GRHL3: variants seen among roughly 807,000 people sequenced by gnomAD.
GRHL3 encodes grainyhead-like protein 3 homolog.
A neutral mutation model predicts 70.3 loss-of-function variants in GRHL3; 20 were observed. That is an observed-to-expected ratio of 0.28 (90% confidence interval 0.20 to 0.41). GRHL3 has a LOEUF of 0.41. GRHL3 is among the 10% of genes least tolerant of loss of function. GRHL3 has a pLI of 1.00. For synonymous variants in GRHL3, 299 were observed against 299.9 expected, an observed-to-expected ratio of 1.00 and a Z score of 0.03; for missense variants, 637 against 762.3, an observed-to-expected ratio of 0.84 and a Z score of 1.94.
At chr1:24,346,288 C>G (rs958447977) in intron 12 of GRHL3, among the ~76,000 whole-genome samples, 4 of 152,154 alleles carry the variant, frequency 2.6e-5, no homozygotes, top group Non-Finnish European at 5.9e-5. Flanking sequence ...GCTATCATTG[C>G]TTTCTCATCA....
rs72652533 is a variant in GRHL3 at position 24,363,106 on chromosome 1, G to A, written c.1695-1079G>A. On this transcript the variant is annotated intron_variant, in intron 15 of 15. Coordinates refer to the GRHL3 transcript ENST00000350501. ...TGAGGTCACCCCATCACTGGTCTGG[G>A]TCACTCCAAGCCCAAGATTCCCACC... 1.8e-3 allele frequency among the ~76,000 whole-genome samples: 267 copies of A among 152,278 alleles called. 1 individual carries two copies. The highest frequency in any genetic ancestry group is 3.0e-3 in the Non-Finnish European group (202 of 68,022).
chr1:24,325,793 G>GCCTCACTTC (rs1639367241), intron 1 of GRHL3, among the ~76,000 whole-genome samples: 1 of 152,208 alleles, frequency 6.6e-6, no homozygotes, highest in Non-Finnish European at 1.5e-5. Context: ...TGGACGGGAG[G>GCCTCACTTC]CCTCAAGAAG....
At chr1:24,351,305 G>A (rs1640494926) in intron 15 of GRHL3, among the ~76,000 whole-genome samples, 1 of 152,116 alleles carries the variant, frequency 6.6e-6, no homozygotes. Flanking sequence ...CTTCCTCACA[G>A]GCCCAGCCCT....
At position 24,331,509 on chromosome 1, in the gene GRHL3, C is replaced by T. The variant is rs149583743; in HGVS notation, c.101C>T (p.Thr34Met). The T allele has an allele frequency of 5.0e-5, 81 of 1,613,974 alleles. No homozygotes were observed. Among genetic ancestry groups the T allele is most frequent in the East Asian group, 8.9e-5 (4 of 44,894 alleles). ...ACTAGTGAGGATGAGGCCTGGAAGACGTACCTAGAAAACCCGTTGACAGCT... is the reference window on the plus strand; with the variant it reads ...ACTAGTGAGGATGAGGCCTGGAAGATGTACCTAGAAAACCCGTTGACAGCT... The part of the protein sequence containing the change: ...SYTSEDEAWK[T>M]YLENPLTAAT... The change falls in exon 2 of 16, where the codon ACG becomes ATG. Residue 34 changes from threonine (T) to methionine (M), a missense_variant. By Grantham distance (81) the Thr-to-Met change is moderately conservative (BLOSUM62 -1). Around this residue, in one of 2 missense-constraint regions of GRHL3, gnomAD observed 250 missense variants for 248.6 expected, o/e 1.01. Coordinates refer to ENST00000361548, the MANE Select transcript of GRHL3 (RefSeq NM_198173.3).
intron 5 of GRHL3, 86 bp downstream of exon 5, chr1:24,337,237 C>T: frequency 1.1e-6 from 1 of 880,908 alleles, no homozygotes. Context: ...CAGAGCATAG[C>T]AGGCACAATC....
chr1:24,334,509 T>G lies in GRHL3; in HGVS notation c.205-136T>G. ...TGATTATGGGAACTACGATTCAAGA[T>G]GAGATTTGGGTGGGGACACAGCCGA... is the stretch of plus-strand genomic sequence containing the variant. On this transcript the variant is annotated intron_variant, in intron 2 of 15. Coordinates refer to ENST00000361548, the MANE Select transcript of GRHL3 (RefSeq NM_198173.3). This position sits in a 1 kb window ranked among gnomAD's most constrained non-coding sequence, Gnocchi z 4.3. 4 of 639,368 alleles carry G rather than the reference T, an allele frequency of 6.3e-6. No homozygotes were observed. The highest frequency in any genetic ancestry group is 1.1e-5 in the Non-Finnish European group (4 of 351,950). The allele number at this position is 639,368 out of a possible 1,614,324, so 39.6% of individuals were successfully genotyped here. A position where few individuals can be genotyped will look rare whatever the true frequency, so the allele number is the denominator to read the frequency against.
intron 1 of GRHL3, among the ~76,000 whole-genome samples, chr1:24,326,171 G>A (rs1413430109): frequency 1.3e-5 from 2 of 152,178 alleles, no homozygotes; most frequent in Non-Finnish European, 2.9e-5. Context: ...CTCCTTAGTG[G>A]GCTGGCTTTC....
At chr1:24,345,676 C>T (rs192911887) in intron 12 of GRHL3, among the ~76,000 whole-genome samples, 49 of 152,278 alleles carry the variant, frequency 3.2e-4, no homozygotes, top group East Asian at 3.1e-3. Flanking sequence ...TAGCTGGGGC[C>T]GGCACCCCTT....
chr1:24,364,300 C>A lies in GRHL3; in HGVS notation c.1810C>A (p.Gln604Lys), dbSNP rs951911760. 7 of 1,549,782 alleles carry A rather than the reference C, an allele frequency of 4.5e-6. No individual in the cohort carries two copies. In the African/African-American group the frequency reaches 8.2e-5, roughly 18 times the overall value. ...GGGTTTTGGAGATGGATTTTGGAGGCAGAGGGACCTGGATTCAAATCCCAG... is the reference window on the plus strand; with the variant it reads ...GGGTTTTGGAGATGGATTTTGGAGGAAGAGGGACCTGGATTCAAATCCCAG... The change falls in exon 16 of 16, where the codon CAG (glutamine) becomes AAG (lysine). Residue 604 changes from glutamine (Q) to lysine (K), a missense_variant. Gln to Lys is a moderately conservative substitution (Grantham distance 53). Transcript: ENST00000350501.
rs894127874 is a variant in GRHL3 at position 24,321,165 on chromosome 1, C to T, written c.17+1597C>T. Among the ~76,000 whole-genome samples, 1 of 152,184 alleles carries T rather than the reference C, an allele frequency of 6.6e-6. No homozygotes were observed. Among genetic ancestry groups the T allele is most frequent in the Non-Finnish European group, 1.5e-5 (1 of 68,034 alleles). On this transcript the variant is annotated intron_variant, in intron 1 of 15. Coordinates refer to ENST00000361548, the MANE Select transcript of GRHL3 (RefSeq NM_198173.3). This position sits in a 1 kb window ranked among gnomAD's most constrained non-coding sequence, Gnocchi z 4.0. ...CAGACAGAATCTATTCATTACTGCA[C>T]GTTAGGGGGTATGTGTTCTGAAGCT...
chr1:24,344,928 A>G lies in GRHL3; in HGVS notation c.1451A>G (p.Asn484Ser), dbSNP rs116396279. ...AAPSAGPSSS[N>S]RLPLKRTCSP... ...CCCTCGGCAGGACCCAGCAGCTCCA[A>G]CAGGTATGGAGAGAAACAACCACAC... is the stretch of plus-strand genomic sequence containing the variant. The change falls in exon 12 of 16, where the codon AAC becomes AGC. Residue 484 changes from asparagine to serine, a missense_variant. Physicochemically the swap from Asn to Ser is conservative, Grantham distance 46 (BLOSUM62 1). This residue lies in a region of GRHL3 where 387 missense variants were observed against 513.8 expected (regional missense o/e 0.75). Transcript: ENST00000361548. 0.04 allele frequency: 64,036 copies of G among 1,613,150 alleles called. 1,470 individuals are homozygous for G. Among genetic ancestry groups the G allele is most frequent in the Non-Finnish European group, 0.045 (52,978 of 1,179,498 alleles).
chr1:24,322,103 C>G lies in GRHL3; in HGVS notation c.17+2535C>G, dbSNP rs1416375552. 6.6e-6 allele frequency among the ~76,000 whole-genome samples: 1 copy of G among 152,108 alleles called. No homozygotes were observed. Among genetic ancestry groups the G allele is most frequent in the Non-Finnish European group, 1.5e-5 (1 of 68,006 alleles). Reference sequence around the variant, plus strand: ...TGTTGTTCCCCTCTGGAGGGCCGGCCGGCGCTCCAGGCAGGCCCCGTTGAC... The same window carrying G: ...TGTTGTTCCCCTCTGGAGGGCCGGCGGGCGCTCCAGGCAGGCCCCGTTGAC... On this transcript the variant is annotated intron_variant, in intron 1 of 15. Transcript: ENST00000361548. The surrounding 1 kb of genome is among the most constrained non-coding windows in gnomAD (Gnocchi z 4.4).
intron 1 of GRHL3, chr1:24,323,023 C>T: frequency 6.6e-7 from 1 of 1,518,838 alleles, no homozygotes; most frequent in Non-Finnish European, 8.9e-7. Context: ...TGTGCTTAGC[C>T]TCTGAAAAGA....
At chr1:24,364,391 G>A in exon 16 of GRHL3, 2 of 1,522,764 alleles carry the variant, frequency 1.3e-6, no homozygotes, top group Non-Finnish European at 8.8e-7. Context: ...CTGGAGGAGA[G>A]GTGGAAGGAC....
Position 24,336,636 on chromosome 1 carries a change from A to T in GRHL3, c.421A>T (p.Thr141Ser), listed in dbSNP as rs1639826080. 1 of 1,613,898 alleles carries T rather than the reference A, an allele frequency of 6.2e-7. No individual in the cohort carries two copies. The highest frequency in any genetic ancestry group is 1.3e-5 in the African/African-American group (1 of 74,968). The part of the protein sequence containing the change: ...NLMSLEGALP[T>S]PGKAAPLPAG... ...GATGAGCTTGGAGGGGGCCTTGCCC[A>T]CCCCTGGCAAGGCAGCTCCCCTCCC... is the stretch of plus-strand genomic sequence containing the variant. The change falls in exon 4 of 16, where the codon ACC (threonine) becomes TCC (serine). Residue 141 changes from threonine (T) to serine (S), a missense_variant. By Grantham distance (58) the Thr-to-Ser change is moderately conservative. Around this residue, in one of 2 missense-constraint regions of GRHL3, gnomAD observed 250 missense variants for 248.6 expected, o/e 1.01. Transcript: ENST00000361548.
At position 24,350,054 on chromosome 1, in the gene GRHL3, C is replaced by T. The variant is rs1410841583; in HGVS notation, c.1630-4C>T. On this transcript the variant is annotated splice_polypyrimidine_tract_variant and splice_region_variant and intron_variant, in intron 14 of 15. Transcript: ENST00000361548. ...GCAATGAATCACCTGTCTTTTCCTTCCAGATCTCTGAGAAGTATGGGTTCC... is the reference window on the plus strand; with the variant it reads ...GCAATGAATCACCTGTCTTTTCCTTTCAGATCTCTGAGAAGTATGGGTTCC... 1 of 1,611,730 alleles carries T rather than the reference C, an allele frequency of 6.2e-7. No individual in the cohort carries two copies. Among genetic ancestry groups the T allele is most frequent in the Admixed American group, 1.7e-5 (1 of 59,884 alleles).
At chr1:24,347,161 A>G (rs564830456) in intron 13 of GRHL3, among the ~76,000 whole-genome samples, 2 of 152,296 alleles carry the variant, frequency 1.3e-5, no homozygotes, top group East Asian at 1.9e-4. Flanking sequence ...AATTCCCACA[A>G]TGACTCTACG....
Position 24,342,389 on chromosome 1 carries a change from C to A in GRHL3, c.1206+116C>A. ...TCTGTCTCTCTCTGTTTTTCTATCC[C>A]TTCTCCTCCTTCCCCTCTCCTCCTC... On this transcript the variant is annotated intron_variant, in intron 9 of 15. Transcript: ENST00000361548. The surrounding 1 kb of genome is among the most constrained non-coding windows in gnomAD (Gnocchi z 4.8). 1 of 834,186 alleles carries A rather than the reference C, an allele frequency of 1.2e-6. No homozygotes were observed. The highest frequency in any genetic ancestry group is 1.9e-6 in the Non-Finnish European group (1 of 531,640). The allele number at this position is 834,186 out of a possible 1,614,324, so 51.7% of individuals were successfully genotyped here. A position where few individuals can be genotyped will look rare whatever the true frequency, so the allele number is the denominator to read the frequency against.
In GRHL3 at chr1:24,336,761, C is replaced by T. The variant is rs779246351; in HGVS notation, c.546C>T (p.Ser182=). ...DNGSLNSLFE[S]IHGVPPTQRW... ...GCTCCCTCAACTCCTTGTTTGAGAG[C>T]ATTCATGGGGTGCCGCCCACACAGC... Residue 182 remains serine, a synonymous_variant, in exon 4 of 16, where the codon AGC becomes AGT. Transcript: ENST00000361548. 8 of 1,613,750 alleles carry T rather than the reference C, an allele frequency of 5.0e-6. No homozygotes were observed. The African/African-American group carries it at 8.0e-5, about 16-fold the overall frequency.
Sources: allele counts gnomAD v4.1 joint callset (sites outside exome capture counted in the v4.1 genomes callset), GRCh38; gene constraint gnomAD v4.1.1; regional missense constraint gnomAD v4.1.1; non-coding constraint Gnocchi (gnomAD v3.1); transcripts MANE v1.5; gene names NCBI Gene and HGNC (gene_info 2026-07-23, HGNC 2026-07-21).